Variants in LAMA2 observed in about 807,000 individuals in gnomAD.
LAMA2 encodes laminin subunit alpha-2.
A neutral mutation model predicts 364.8 loss-of-function variants in LAMA2; 269 were observed. The ratio of observed to expected loss-of-function variants is 0.74; its 90% CI spans 0.67 to 0.82. The LOEUF is 0.82. LAMA2 is among the 40% of genes least tolerant of loss of function. The pLI, the probability that LAMA2 is intolerant of heterozygous loss-of-function variation, is 0.00. For synonymous variants in LAMA2, 1,379 were observed against 1,370.6 expected (o/e 1.01, Z -0.14); for missense variants, 3,807 against 3,873.2 (o/e 0.98, Z 0.45).
intron 17 of LAMA2, among the ~76,000 whole-genome samples, chr6:129,274,076 C>CT (rs1227773369): frequency 6.6e-6 from 1 of 151,844 alleles, no homozygotes; most frequent in African/African-American, 2.4e-5. Context: ...TGATAATTCA[C>CT]TTAGTTTATA....
chr6:129,250,574 C>T (rs1409975603), intron 13 of LAMA2, among the ~76,000 whole-genome samples: 1 of 152,000 alleles, frequency 6.6e-6, no homozygotes, highest in Non-Finnish European at 1.5e-5. Flanking sequence ...TTGTCTACTC[C>T]CTTGTTTATA....
chr6:129,363,718 T>C (rs1308997349), intron 32 of LAMA2, among the ~76,000 whole-genome samples: 1 of 152,058 alleles, frequency 6.6e-6, no homozygotes. Context: ...GATTCAGAAA[T>C]ACTAGGGGGT....
At chr6:129,309,989 T>C (rs561294018) in intron 22 of LAMA2, among the ~76,000 whole-genome samples, 1 of 147,512 alleles carries the variant, frequency 6.8e-6, no homozygotes, top group East Asian at 2.1e-4. Context: ...AAGCTCCGCC[T>C]CCCGGGTTCA....
At position 129,391,525 on chromosome 6, in the gene LAMA2, T is replaced by G; in HGVS notation, c.5106T>G (p.Thr1702=). The part of the protein sequence containing the change: ...VNEKAIKLNE[T]LGTRDEAFER... ...AAAAAGCTATAAAACTAAATGAAAC[T>G]CTAGGAACTCGAGACGAGGCCTTTG... The change falls in exon 36 of 65, where the codon ACT becomes ACG. Residue 1702 remains threonine (T), a synonymous_variant. Coordinates refer to ENST00000421865, the MANE Select transcript of LAMA2 (RefSeq NM_000426.4). 6.2e-7 allele frequency: 1 copy of G among 1,613,932 alleles called. No homozygotes were observed. The highest frequency in any genetic ancestry group is 8.5e-7 in the Non-Finnish European group (1 of 1,179,908).
chr6:129,422,404 G>A (rs559957047), intron 40 of LAMA2, among the ~76,000 whole-genome samples: 1 of 152,220 alleles, frequency 6.6e-6, no homozygotes, highest in East Asian at 1.9e-4. Flanking sequence ...GGGCTGTCAT[G>A]TTTCTGGATG....
chr6:129,252,175 C>G lies in LAMA2; in HGVS notation c.1976C>G (p.Ser659Ter). 1 of 1,613,270 alleles carries G rather than the reference C, an allele frequency of 6.2e-7. No homozygotes were observed. The change falls in exon 14 of 65, where the codon TCA (serine) becomes TGA (stop). Residue 659 changes from serine to a stop codon, truncating the protein, a stop_gained. Coordinates refer to ENST00000421865, the MANE Select transcript of LAMA2 (RefSeq NM_000426.4). LOFTEE classifies it high-confidence loss of function. ...AATGTATTGTTACTTAAAGAAGAAT[C>G]ATTTACCATACATGGCACACATTTT... ...HTNVLLLKEE[S>*]FTIHGTHFPV...
rs12198530 is a variant in LAMA2, at chr6:129,088,079, C to T, written c.397-10094C>T. Reference sequence around the variant, plus strand: ...GTTTGTGTCCCTGGGTACTTGAGATCAGGGAGTCCTGATGACTCTTAACGC... The same window carrying T: ...GTTTGTGTCCCTGGGTACTTGAGATTAGGGAGTCCTGATGACTCTTAACGC... On this transcript the variant is annotated intron_variant, in intron 3 of 64. Transcript: ENST00000421865. Among the ~76,000 whole-genome samples, 48 of 26,214 alleles carry T rather than the reference C, an allele frequency of 1.8e-3. 2 individuals carry two copies. The highest frequency in any genetic ancestry group is 2.3e-3 in the African/African-American group (45 of 19,900). 17.2% of individuals were successfully genotyped at this position (26,214 alleles called of 152,430 possible). A position where few individuals can be genotyped will look rare whatever the true frequency, so the allele number is the denominator to read the frequency against.
At chr6:129,133,558 C>G (rs1210849824) in intron 4 of LAMA2, among the ~76,000 whole-genome samples, 1 of 152,098 alleles carries the variant, frequency 6.6e-6, no homozygotes, top group African/African-American at 2.4e-5. Context: ...AGGATGGTGA[C>G]AGTCACTAGG....
chr6:128,909,489 G>A lies in LAMA2; in HGVS notation c.112+26132G>A, dbSNP rs1027277248. ...CCTTTTTTTGTTTTCCATTTGCTTG[G>A]TAGATCTTCCTCCATCCTTTTATTT... On this transcript the variant is annotated intron_variant, in intron 1 of 64. Coordinates refer to ENST00000421865, the MANE Select transcript of LAMA2 (RefSeq NM_000426.4). Among the ~76,000 whole-genome samples, 11 of 149,500 alleles carry A rather than the reference G, an allele frequency of 7.4e-5. 1 individual carries two copies. Among genetic ancestry groups the A allele is most frequent in the African/African-American group, 2.7e-4 (11 of 40,264 alleles).
At position 129,402,557 on chromosome 6, in the gene LAMA2, A is replaced by T. The variant is rs186762169; in HGVS notation, c.5726+70A>T. On this transcript the variant is annotated intron_variant, in intron 39 of 64. Coordinates refer to ENST00000421865, the MANE Select transcript of LAMA2 (RefSeq NM_000426.4). ...TCCAAAGGTTTTGACTAGCATAAAT[A>T]GTAGAGAATCATTTTCAAATCCTGA... 5.5e-5 allele frequency: 78 copies of T among 1,423,530 alleles called. No homozygotes were observed. In the African/African-American group the frequency reaches 1.1e-3, roughly 19 times the overall value. The allele number at this position is 1,423,530 out of a possible 1,614,324, so 88.2% of individuals were successfully genotyped here.
At chr6:129,425,905 T>A (rs1781303885) in intron 40 of LAMA2, among the ~76,000 whole-genome samples, 1 of 152,166 alleles carries the variant, frequency 6.6e-6, no homozygotes, top group African/African-American at 2.4e-5. Flanking sequence ...GTGCCTCACT[T>A]TGCACACCTG....
intron 12 of LAMA2, among the ~76,000 whole-genome samples, chr6:129,196,153 G>A (rs1781836126): frequency 6.6e-6 from 1 of 152,152 alleles, no homozygotes; most frequent in Non-Finnish European, 1.5e-5. Context: ...CTTTAAATTT[G>A]TTCATATAGT....
At chr6:129,207,783 CCT>C (rs1782779128) in intron 12 of LAMA2, among the ~76,000 whole-genome samples, 1 of 143,764 alleles carries the variant, frequency 7.0e-6, no homozygotes, top group African/African-American at 2.9e-5. Flanking sequence ...CAAAAATACC[CCT>C]GAGAAAAAAA....
chr6:129,288,934 T>C (rs1789488768), intron 19 of LAMA2, among the ~76,000 whole-genome samples: 1 of 152,190 alleles, frequency 6.6e-6, no homozygotes, highest in Non-Finnish European at 1.5e-5. Context: ...ACTCTTCCAA[T>C]TATTCAGGTG....
intron 54 of LAMA2, among the ~76,000 whole-genome samples, chr6:129,480,420 T>C (rs1300367448): frequency 1.3e-5 from 2 of 152,136 alleles, no homozygotes; most frequent in African/African-American, 4.8e-5. Flanking sequence ...TAAAAGTGAC[T>C]ATCTACATTT....
At position 129,358,022 on chromosome 6, in the gene LAMA2, G is replaced by GT. The variant is rs539180489; in HGVS notation, c.4717+4666dup. On this transcript the variant is annotated intron_variant, in intron 32 of 64. Transcript: ENST00000421865. ...CTCTCTGCTCGTACTCACTGCTCAA[G>GT]TAAGTTCTTATTTGAAAGGACAGTA... Among the ~76,000 whole-genome samples, 59 of 152,104 alleles carry GT rather than the reference G, an allele frequency of 3.9e-4. 1 individual carries two copies. The South Asian group carries it at 3.9e-3, about 10-fold the overall frequency.
chr6:128,948,009 G>T (rs1422936377), intron 1 of LAMA2, among the ~76,000 whole-genome samples: 1 of 152,052 alleles, frequency 6.6e-6, no homozygotes, highest in Non-Finnish European at 1.5e-5. Flanking sequence ...AAGAAAGGAG[G>T]TGAGAGTTGA....
chr6:129,163,383 C>T (rs76689370), intron 8 of LAMA2, among the ~76,000 whole-genome samples: 4,296 of 152,208 alleles, frequency 0.028, 200 homozygotes, highest in African/African-American at 0.098. Flanking sequence ...CCAGGAATCC[C>T]AGTACTTTGG....
intron 9 of LAMA2, among the ~76,000 whole-genome samples, chr6:129,171,145 C>G (rs1780120349): frequency 6.6e-6 from 1 of 152,100 alleles, no homozygotes; most frequent in South Asian, 2.1e-4. Flanking sequence ...CAGTCTGTGT[C>G]TTTTAATTGG....
Sources: gnomAD v4.1 joint callset for allele counts (sites outside exome capture counted in the v4.1 genomes callset) on GRCh38, gnomAD v4.1.1 for gene constraint, MANE v1.5 for transcripts, NCBI Gene and HGNC (gene_info 2026-07-23, HGNC 2026-07-21) for gene names.